The following CCDC170 variants were observed in gnomAD, a reference collection of about 807,000 sequenced individuals.
CCDC170 encodes the protein coiled-coil domain containing 170.
A neutral mutation model predicts 72.6 loss-of-function variants in CCDC170; 69 were observed. The ratio of observed to expected loss-of-function variants is 0.95; its 90% confidence interval spans 0.78 to 1.16. The LOEUF (loss-of-function observed/expected upper bound fraction) is 1.16, where lower values mean the gene tolerates loss of function less well. Ranked by LOEUF, CCDC170 falls within the 50% of genes most tolerant of loss-of-function variation. CCDC170 has a pLI of 0.00. For synonymous variants in CCDC170, 300 were observed against 303.9 expected (o/e 0.99, Z 0.13); for missense variants, 852 against 832.5 (o/e 1.02, Z -0.29).
At chr6:151,533,163 C>A (rs1269055263) in intron 1 of CCDC170, among the ~76,000 whole-genome samples, 1 of 151,212 alleles carries the variant, frequency 6.6e-6, no homozygotes, top group Non-Finnish European at 1.5e-5. Flanking sequence ...ATGCCATTCT[C>A]CTGCCTCAGC....
At chr6:151,572,653 T>TTTTTTTTGTTG (rs1554223888) in intron 5 of CCDC170, among the ~76,000 whole-genome samples, 1 of 100,502 alleles carries the variant, frequency 1.0e-5, no homozygotes, top group African/African-American at 4.3e-5. Flanking sequence ...CTCTGTGTTT[T>TTTTTTTTGTTG]TTTTTTTTTT....
At chr6:151,556,851 A>G (rs908663888) in intron 5 of CCDC170, among the ~76,000 whole-genome samples, 54 of 152,198 alleles carry the variant, frequency 3.5e-4, no homozygotes, top group African/African-American at 1.3e-3. Flanking sequence ...GTATGCTTGT[A>G]TCCATTAACC....
intron 5 of CCDC170, among the ~76,000 whole-genome samples, chr6:151,567,209 G>T (rs992469521): frequency 6.6e-6 from 1 of 152,116 alleles, no homozygotes; most frequent in East Asian, 1.9e-4. Context: ...GTGAGTCACC[G>T]TGCCTGACCC....
chr6:151,588,240 G>T (rs1233147506), intron 7 of CCDC170, among the ~76,000 whole-genome samples: 1 of 152,140 alleles, frequency 6.6e-6, no homozygotes, highest in Non-Finnish European at 1.5e-5. Context: ...GGCCACATTG[G>T]AAGAAGAAGA....
At position 151,618,151 on chromosome 6, in the gene CCDC170, C is replaced by T. The variant is rs368223749; in HGVS notation, c.*4C>T. 13 of 1,612,126 alleles carry T rather than the reference C, an allele frequency of 8.1e-6. No homozygotes were observed. The Admixed American group carries it at 1.7e-4, about 21-fold the overall frequency. On this transcript the variant is annotated 3_prime_UTR_variant, in exon 11 of 11. Transcript: ENST00000239374. ...CCATTTACAGCTTCTTCATTGAACA[C>T]TGTATCTCTTGAGAGAGGTGGCCAT...
chr6:151,518,453 AG>A (rs1782268057), intron 1 of CCDC170, among the ~76,000 whole-genome samples: 1 of 152,152 alleles, frequency 6.6e-6, no homozygotes, highest in Non-Finnish European at 1.5e-5. Flanking sequence ...CAGACCCCCA[AG>A]AGAGGGTTCT....
At position 151,566,897 on chromosome 6, in the gene CCDC170, G is replaced by A. The variant is rs369458246; in HGVS notation, c.775-6277G>A. On this transcript the variant is annotated intron_variant, in intron 5 of 10. Transcript: ENST00000239374. ...TCTTGGTTGGATTGATGACAATGTTGCTTTCAGTGCCTGTTGTATAGGAAA... is the reference window on the plus strand; with the variant it reads ...TCTTGGTTGGATTGATGACAATGTTACTTTCAGTGCCTGTTGTATAGGAAA... 3.4e-4 allele frequency among the ~76,000 whole-genome samples: 51 copies of A among 152,236 alleles called. No individual in the cohort carries two copies. In the East Asian group the frequency reaches 4.4e-3, roughly 13 times the overall value.
At chr6:151,571,279 T>C (rs1776214927) in intron 5 of CCDC170, among the ~76,000 whole-genome samples, 1 of 151,268 alleles carries the variant, frequency 6.6e-6, no homozygotes, top group South Asian at 2.1e-4. Context: ...AATATTGTGT[T>C]TCTTTTTAGT....
At chr6:151,572,649 G>GTTTTTTTTTTTTTGTTTT (rs1776235119) in intron 5 of CCDC170, among the ~76,000 whole-genome samples, 1 of 37,988 alleles carries the variant, frequency 2.6e-5, no homozygotes, top group Non-Finnish European at 4.8e-5. Context: ...CCTTCTCTGT[G>GTTTTTTTTTTTTTGTTTT]TTTTTTTTTT....
intron 1 of CCDC170, among the ~76,000 whole-genome samples, chr6:151,500,020 A>C (rs1341240445): frequency 1.4e-5 from 2 of 147,226 alleles, no homozygotes; most frequent in Non-Finnish European, 2.9e-5. Context: ...AAGAACTGCC[A>C]CTGTTTCCGT....
intron 1 of CCDC170, among the ~76,000 whole-genome samples, chr6:151,503,505 T>G (rs991245594): frequency 3.3e-5 from 5 of 152,042 alleles, no homozygotes; most frequent in African/African-American, 1.2e-4. Context: ...CAGGCTGGAG[T>G]GCAATGGTGC....
chr6:151,501,136 A>T lies in CCDC170; in HGVS notation c.57+6951A>T, dbSNP rs192341882. Among the ~76,000 whole-genome samples, 205 of 152,110 alleles carry T rather than the reference A, an allele frequency of 1.3e-3. 3 individuals carry two copies. The highest frequency in any genetic ancestry group is 1.1e-3 in the Non-Finnish European group (78 of 67,932). Reference sequence around the variant, plus strand: ...AAATGTTTCCCCTTGTTTTAAATTAAAATGCTTTATACTATTAAAAATAAT... The same window carrying T: ...AAATGTTTCCCCTTGTTTTAAATTATAATGCTTTATACTATTAAAAATAAT... On this transcript the variant is annotated intron_variant, in intron 1 of 10. Coordinates refer to ENST00000239374, the MANE Select transcript of CCDC170 (RefSeq NM_025059.4).
intron 5 of CCDC170, among the ~76,000 whole-genome samples, chr6:151,569,976 T>C (rs1432627709): frequency 1.3e-5 from 2 of 152,236 alleles, no homozygotes; most frequent in African/African-American, 4.8e-5. Context: ...TGATTTTCAC[T>C]AGACATAAAT....
intron 9 of CCDC170, among the ~76,000 whole-genome samples, chr6:151,600,192 C>T (rs1218868307): frequency 6.6e-6 from 1 of 152,150 alleles, no homozygotes; most frequent in African/African-American, 2.4e-5. Context: ...TCCAAAATAT[C>T]AGACTTCTGA....
chr6:151,599,173 G>A (rs1290226748), intron 9 of CCDC170, among the ~76,000 whole-genome samples: 6 of 152,230 alleles, frequency 3.9e-5, no homozygotes, highest in South Asian at 4.1e-4. Flanking sequence ...TGGGGCTTTA[G>A]AGAACAATAA....
intron 5 of CCDC170, among the ~76,000 whole-genome samples, chr6:151,551,519 G>T (rs1403458470): frequency 6.6e-6 from 1 of 152,224 alleles, no homozygotes; most frequent in East Asian, 1.9e-4. Flanking sequence ...TAAAAAGGCT[G>T]TGGCTTCTGT....
chr6:151,573,636 G>T (rs1776261791), intron 6 of CCDC170, 145 bp downstream of exon 6: 3 of 846,370 alleles, frequency 3.5e-6, no homozygotes, highest in Non-Finnish European at 5.4e-6. Context: ...GAGGTTTAAT[G>T]GATTCACAGT....
rs758205934 is a variant in CCDC170, at chr6:151,615,689, A to G, written c.1947+10A>G. The stretch of plus-strand genomic sequence containing the variant: ...AAAGAGAGAAAAGCAGGTGGGTCTA[A>G]ATCTGGTGATGAAACCTTGTTTAGG... On this transcript the variant is annotated intron_variant, in intron 10 of 10. Coordinates refer to ENST00000239374, the MANE Select transcript of CCDC170 (RefSeq NM_025059.4). 1.3e-6 allele frequency: 2 copies of G among 1,576,216 alleles called. No homozygotes were observed. The highest frequency in any genetic ancestry group is 2.7e-5 in the African/African-American group (2 of 73,748).
intron 9 of CCDC170, among the ~76,000 whole-genome samples, chr6:151,601,510 A>G (rs574413224): frequency 1.3e-5 from 2 of 151,806 alleles, no homozygotes; most frequent in Non-Finnish European, 2.9e-5. Flanking sequence ...TTCTCCAGAA[A>G]AACAGTGCGT....
Sources: gnomAD v4.1 joint callset for allele counts (sites outside exome capture counted in the v4.1 genomes callset) on GRCh38, gnomAD v4.1.1 for gene constraint, MANE v1.5 for transcripts, NCBI Gene and HGNC (gene_info 2026-07-23, HGNC 2026-07-21) for gene names.